The following COG5 variants were observed in gnomAD, a reference collection of about 807,000 sequenced individuals.
COG5 encodes component of oligomeric golgi complex 5.
COG5 carries 86 observed loss-of-function variants against 110.4 expected under a neutral mutation model. The observed-to-expected ratio is 0.78, with a 90% CI of 0.65 to 0.93. The LOEUF is 0.93. COG5 is among the 40% of genes least tolerant of loss of function. COG5 has a pLI of 0.00. For synonymous variants in COG5, 360 were observed against 334.6 expected (o/e 1.08, Z -0.83); for missense variants, 1,077 against 987.0 (o/e 1.09, Z -1.22).
chr7:107,539,450 A>G (rs112338929), intron 5 of COG5, among the ~76,000 whole-genome samples: 323 of 152,338 alleles, frequency 2.1e-3, no homozygotes, highest in African/African-American at 7.4e-3. Flanking sequence ...AATACTACAT[A>G]ATGAATGATC....
rs199612157 is a variant in COG5 at position 107,364,553 on chromosome 7, T to TA, written c.836-2134dup. 8.6e-3 allele frequency among the ~76,000 whole-genome samples: 1,311 copies of TA among 152,142 alleles called. 20 individuals carry two copies. Among genetic ancestry groups the TA allele is most frequent in the African/African-American group, 0.03 (1,254 of 41,512 alleles). On this transcript the variant is annotated intron_variant, in intron 8 of 21. Transcript: ENST00000297135. ...TATGTAAAGGTTTGAAATGTTTCAA[T>TA]AAAAAAATAGAAATTTTAATCCCAA...
At chr7:107,531,948 T>C (rs1490757552) in intron 5 of COG5, among the ~76,000 whole-genome samples, 1 of 152,214 alleles carries the variant, frequency 6.6e-6, no homozygotes, top group Non-Finnish European at 1.5e-5. Flanking sequence ...ATAGCCTCCT[T>C]GGTATCTGGT....
At chr7:107,246,027 A>G (rs1310795824) in intron 17 of COG5, among the ~76,000 whole-genome samples, 1 of 152,204 alleles carries the variant, frequency 6.6e-6, no homozygotes, top group Non-Finnish European at 1.5e-5. Flanking sequence ...ACATAGACCA[A>G]TGGAACAGAA....
rs1335744579 is a variant in COG5 at position 107,519,901 on chromosome 7, T to TTA, written c.538+7335_538+7336insTA. 5.3e-5 allele frequency among the ~76,000 whole-genome samples: 8 copies of TTA among 152,244 alleles called. No homozygotes were observed. In the East Asian group the frequency reaches 1.5e-3, roughly 29 times the overall value. ...ATCGATGTGAAAATCCTCAATAAAA[T>TTA]ACTGGCAAACCGAATCCAGCAGCAC... On this transcript the variant is annotated intron_variant, in intron 6 of 21. Transcript: ENST00000297135.
At chr7:107,435,037 A>C (rs1355149046) in intron 6 of COG5, among the ~76,000 whole-genome samples, 1 of 152,148 alleles carries the variant, frequency 6.6e-6, no homozygotes, top group Non-Finnish European at 1.5e-5. Flanking sequence ...ATTATGCAAA[A>C]TGAAATAAGT....
At chr7:107,513,092 C>T (rs1327381475) in intron 6 of COG5, among the ~76,000 whole-genome samples, 3 of 151,600 alleles carry the variant, frequency 2.0e-5, no homozygotes, top group Non-Finnish European at 4.4e-5. Context: ...AAAGAAACTA[C>T]CATCAGAGTG....
intron 5 of COG5, among the ~76,000 whole-genome samples, chr7:107,533,184 A>C (rs1325056198): frequency 4.0e-5 from 6 of 151,660 alleles, no homozygotes; most frequent in Non-Finnish European, 8.8e-5. Context: ...AAAGACCAAA[A>C]GGTAGATAAA....
intron 6 of COG5, among the ~76,000 whole-genome samples, chr7:107,421,322 A>G (rs932186727): frequency 6.6e-6 from 1 of 152,206 alleles, no homozygotes; most frequent in African/African-American, 2.4e-5. Flanking sequence ...CAGCAGGGAT[A>G]TATAAACAGT....
At chr7:107,367,721 TG>T (rs911003217) in intron 8 of COG5, among the ~76,000 whole-genome samples, 3 of 152,050 alleles carry the variant, frequency 2.0e-5, no homozygotes, top group African/African-American at 7.2e-5. Flanking sequence ...CACTTATAAG[TG>T]GGAGCTAAGC....
intron 19 of COG5, among the ~76,000 whole-genome samples, chr7:107,226,866 T>C (rs1401450250): frequency 6.6e-6 from 1 of 152,246 alleles, no homozygotes; most frequent in Non-Finnish European, 1.5e-5. Context: ...AATATAAATA[T>C]AGAAATATAA....
intron 14 of COG5, among the ~76,000 whole-genome samples, chr7:107,272,797 T>G (rs1314495232): frequency 1.3e-5 from 2 of 152,102 alleles, no homozygotes; most frequent in Non-Finnish European, 1.5e-5. Flanking sequence ...ATGTCACCAT[T>G]TTTGCTTTTA....
chr7:107,247,010 A>T (rs969069984), intron 17 of COG5, among the ~76,000 whole-genome samples: 11 of 152,232 alleles, frequency 7.2e-5, no homozygotes, highest in African/African-American at 2.7e-4. Context: ...AAATTGTGGT[A>T]CATATACACC....
chr7:107,343,125 C>T (rs1484426939), intron 10 of COG5, among the ~76,000 whole-genome samples: 1 of 152,094 alleles, frequency 6.6e-6, no homozygotes, highest in Non-Finnish European at 1.5e-5. Flanking sequence ...GAACAGAAAA[C>T]CAATTACCAC....
intron 7 of COG5, among the ~76,000 whole-genome samples, chr7:107,395,095 C>T (rs1316064852): frequency 6.6e-6 from 1 of 152,112 alleles, no homozygotes; most frequent in Admixed American, 6.5e-5. Flanking sequence ...AACTGGAAAA[C>T]CACACAGAGA....
intron 6 of COG5, among the ~76,000 whole-genome samples, chr7:107,504,878 ATCT>A (rs1191755126): frequency 3.3e-5 from 5 of 151,884 alleles, no homozygotes; most frequent in Admixed American, 3.3e-4. Flanking sequence ...GCTTATTTGA[ATCT>A]TCTTTTTTTT....
chr7:107,351,218 C>T (rs1812105835), intron 10 of COG5, among the ~76,000 whole-genome samples: 1 of 152,176 alleles, frequency 6.6e-6, no homozygotes. Flanking sequence ...AAAGGATTCC[C>T]TGTTTAATAA....
chr7:107,482,311 T>TA lies in COG5; in HGVS notation c.538+44925dup, dbSNP rs112413859. 2.5e-3 allele frequency among the ~76,000 whole-genome samples: 369 copies of TA among 147,282 alleles called. 5 individuals are homozygous for TA. Among genetic ancestry groups the TA allele is most frequent in the African/African-American group, 8.2e-3 (332 of 40,260 alleles). On this transcript the variant is annotated intron_variant, in intron 6 of 21. Coordinates refer to ENST00000297135, the MANE Select transcript of COG5 (RefSeq NM_006348.5). ...GCAGGCACCACCATACCCAGCTAAT[T>TA]AAAAAAAAAAATTTTGTAGAGACAG...
intron 12 of COG5, among the ~76,000 whole-genome samples, chr7:107,294,345 A>G (rs190383695): frequency 2.7e-3 from 416 of 152,244 alleles, no homozygotes; most frequent in African/African-American, 9.3e-3. Flanking sequence ...TCTTGAATCA[A>G]TCTAACCAAA....
intron 19 of COG5, among the ~76,000 whole-genome samples, chr7:107,224,081 C>A (rs1172852024): frequency 6.6e-6 from 1 of 152,154 alleles, no homozygotes. Flanking sequence ...GGCTGTAACA[C>A]TGAAATCTGA....
Sources: gnomAD v4.1 joint callset for allele counts (sites outside exome capture counted in the v4.1 genomes callset) on GRCh38, gnomAD v4.1.1 for gene constraint, MANE v1.5 for transcripts, NCBI Gene and HGNC (gene_info 2026-07-23, HGNC 2026-07-21) for gene names.